The following DEPP1 variants were observed in gnomAD, a reference collection of about 807,000 sequenced individuals.
The protein encoded by DEPP1 is DEPP autophagy regulator 1.
For missense variants in DEPP1, 267 were observed against 280.1 expected (o/e 0.95, Z 0.33); for synonymous variants, 117 against 113.6 (o/e 1.03, Z -0.19).
Position 44,977,734 on chromosome 10 carries a change from A to G in DEPP1, c.297T>C (p.Ala99=). 1 of 1,605,138 alleles carries G rather than the reference A, an allele frequency of 6.2e-7. No individual in the cohort carries two copies. The highest frequency in any genetic ancestry group is 8.5e-7 in the Non-Finnish European group (1 of 1,175,062). The change falls in exon 2 of 2, where the codon GCT becomes GCC. Residue 99 remains alanine, a synonymous_variant. Coordinates refer to ENST00000298295, the MANE Select transcript of DEPP1 (RefSeq NM_007021.4). ...FSGQQPTLPM[A]DTVDPLDWLF... is the part of the protein sequence containing the mutation. ...GCCAGTCCAGGGGGTCCACAGTATC[A>G]GCCATGGGCAGTGTGGGCTGCTGGC...
In DEPP1 at chr10:44,977,924, C is replaced by T. The variant is rs754609610; in HGVS notation, c.107G>A (p.Ser36Asn). Residue 36 changes from serine (S) to asparagine (N), a missense_variant, in exon 2 of 2, where the codon AGC becomes AAC. Physicochemically the swap from Ser to Asn is conservative, Grantham distance 46. Coordinates refer to ENST00000298295, the MANE Select transcript of DEPP1 (RefSeq NM_007021.4). ...GPGQEPPPSP[S>N]LDDYVRSISR... The stretch of plus-strand genomic sequence containing the variant: ...TATAGACCTCACGTAGTCATCCAGG[C>T]TAGGAGAGGGTGGGGGCTCCTGTCC... 3.7e-6 allele frequency: 6 copies of T among 1,612,670 alleles called. No homozygotes were observed. Among genetic ancestry groups the T allele is most frequent in the Non-Finnish European group, 5.1e-6 (6 of 1,179,824 alleles).
At position 44,977,773 on chromosome 10, in the gene DEPP1, G is replaced by A. The variant is rs145169456; in HGVS notation, c.258C>T (p.Thr86=). 131 of 1,600,942 alleles carry A rather than the reference G, an allele frequency of 8.2e-5. No individual in the cohort carries two copies. In the African/African-American group the frequency reaches 1.5e-3, roughly 18 times the overall value. The change falls in exon 2 of 2, where the codon ACC becomes ACT. Residue 86 remains threonine, a synonymous_variant. Coordinates refer to ENST00000298295, the MANE Select transcript of DEPP1 (RefSeq NM_007021.4). ...GRPAVSLRDI[T]ARFSGQQPTL... ...TGGGCTGCTGGCCACTGAAACGTGC[G>A]GTGATGTCTCGCAGGGACACAGCAG...
Position 44,977,659 on chromosome 10 carries a change from C to T in DEPP1, c.372G>A (p.Arg124=), listed in dbSNP as rs774976580. 2.5e-6 allele frequency: 4 copies of T among 1,613,072 alleles called. No homozygotes were observed. In the Admixed American group the frequency reaches 5.0e-5, roughly 20 times the overall value. ...EKQPSQRDLP[R]RTGPSAGLWG... ...AGAGGCCAGCAGAGGGGCCAGTCCT[C>T]CTTGGCAGGTCCCTCTGGCTTGGCT... Residue 124 remains arginine, a synonymous_variant, in exon 2 of 2, where the codon AGG becomes AGA. Transcript: ENST00000298295.
In DEPP1 at chr10:44,977,897, G is replaced by A. The variant is rs1841518773; in HGVS notation, c.134C>T (p.Ser45Phe). 1 of 1,612,524 alleles carries A rather than the reference G, an allele frequency of 6.2e-7. No homozygotes were observed. Among genetic ancestry groups the A allele is most frequent in the African/African-American group, 1.3e-5 (1 of 74,940 alleles). Reference protein sequence around the residue: ...PSLDDYVRSISRLAQPTSVLD... With the variant: ...PSLDDYVRSIFRLAQPTSVLD... ...CACAGAGGTGGGCTGTGCCAGTCGA[G>A]ATATAGACCTCACGTAGTCATCCAG... Residue 45 changes from serine (S) to phenylalanine (F), a missense_variant, in exon 2 of 2, where the codon TCT (serine) becomes TTT (phenylalanine). Ser to Phe is a radical substitution (Grantham distance 155). Transcript: ENST00000298295.
At position 44,976,976 on chromosome 10, in the gene DEPP1, G is replaced by C. The variant is rs533766898; in HGVS notation, c.*416C>G. 2.3e-4 allele frequency: 37 copies of C among 159,564 alleles called. No individual in the cohort carries two copies. The highest frequency in any genetic ancestry group is 6.0e-4 in the South Asian group (3 of 4,994). 9.9% of individuals were successfully genotyped at this position (159,564 alleles called of 1,614,324 possible). A position where few individuals can be genotyped will look rare whatever the true frequency, so the allele number is the denominator to read the frequency against. ...CTTGTTCTGAAACACCTGGGGGGCT[G>C]ACACCCCCACTACCCTCACACCCCT... On this transcript the variant is annotated 3_prime_UTR_variant, in exon 2 of 2. Coordinates refer to ENST00000298295, the MANE Select transcript of DEPP1 (RefSeq NM_007021.4).
rs753621695 is a variant in DEPP1, at chr10:44,977,592, C to A, written c.439G>T (p.Ala147Ser). ...RQMDSSKPMG[A>S]PRGRLCEARM... is the part of the protein sequence containing the mutation. ...GCTTCACAGAGCCTCCCTCTGGGGG[C>A]CCCCATGGGCTTGCTGCTGTCCATC... is the stretch of plus-strand genomic sequence containing the variant. Residue 147 changes from alanine (A) to serine (S), a missense_variant, in exon 2 of 2, where the codon GCC (alanine) becomes TCC (serine). Physicochemically the swap from Ala to Ser is moderately conservative, Grantham distance 99. Transcript: ENST00000298295. 1.2e-6 allele frequency: 2 copies of A among 1,613,188 alleles called. No homozygotes were observed. Among genetic ancestry groups the A allele is most frequent in the East Asian group, 4.5e-5 (2 of 44,878 alleles).
In DEPP1 at chr10:44,977,437, G is replaced by A; in HGVS notation, c.594C>T (p.Val198=). 6.2e-7 allele frequency: 1 copy of A among 1,609,936 alleles called. No homozygotes were observed. Among genetic ancestry groups the A allele is most frequent in the Non-Finnish European group, 8.5e-7 (1 of 1,178,036 alleles). The change falls in exon 2 of 2, where the codon GTC becomes GTT. Residue 198 remains valine (V), a synonymous_variant. Coordinates refer to ENST00000298295, the MANE Select transcript of DEPP1 (RefSeq NM_007021.4). ...ASRHRPRPSS[V]LRTLYSHLPV... is the part of the protein sequence containing the mutation. ...GGAGGTGCGAGTAGAGTGTTCTGAGGACACTGCTGGGGCGGGGGCGGTGGC... is the reference window on the plus strand; with the variant it reads ...GGAGGTGCGAGTAGAGTGTTCTGAGAACACTGCTGGGGCGGGGGCGGTGGC...
In DEPP1 at chr10:44,978,052, C is replaced by T; in HGVS notation, c.-22G>A. The T allele has an allele frequency of 6.3e-7, 1 of 1,591,898 alleles. No homozygotes were observed. Among genetic ancestry groups the T allele is most frequent in the East Asian group, 2.2e-5 (1 of 44,684 alleles). On this transcript the variant is annotated 5_prime_UTR_variant, in exon 2 of 2. Transcript: ENST00000298295. ...TCATCACTCTGGCGAGAGGAGGTGGCAACCTGTTGGGAAACAGAAGCCTGG... is the reference window on the plus strand; with the variant it reads ...TCATCACTCTGGCGAGAGGAGGTGGTAACCTGTTGGGAAACAGAAGCCTGG...
chr10:44,978,586 T>A (rs1414183994), intron 1 of DEPP1, 32 bp downstream of exon 1: 1 of 152,388 alleles, frequency 6.6e-6, no homozygotes, highest in Non-Finnish European at 1.5e-5. Context: ...TTGTGTTTTG[T>A]CTCAAACCCA....
intron 1 of DEPP1, among the ~76,000 whole-genome samples, chr10:44,978,415 G>A (rs1053302955): frequency 6.6e-6 from 1 of 152,106 alleles, no homozygotes; most frequent in Non-Finnish European, 1.5e-5. Flanking sequence ...CATAAAACAG[G>A]GTTATAAATA....
chr10:44,976,837 A>T lies in DEPP1; in HGVS notation c.*555T>A, dbSNP rs1235327893. ...GAGTGCCCCAGTGGTGCCAGGTGAC[A>T]GTCCCCCGGAATACATTAGTGCATT... On this transcript the variant is annotated 3_prime_UTR_variant, in exon 2 of 2. Coordinates refer to ENST00000298295, the MANE Select transcript of DEPP1 (RefSeq NM_007021.4). 1 of 152,454 alleles carries T rather than the reference A, an allele frequency of 6.6e-6. No homozygotes were observed. The highest frequency in any genetic ancestry group is 2.4e-5 in the African/African-American group (1 of 41,458). 9.4% of individuals were successfully genotyped at this position (152,454 alleles called of 1,614,324 possible). A position where few individuals can be genotyped will look rare whatever the true frequency, so the allele number is the denominator to read the frequency against.
Position 44,977,737 on chromosome 10 carries a change from C to T in DEPP1, c.294G>A (p.Met98Ile). 2 of 1,606,570 alleles carry T rather than the reference C, an allele frequency of 1.2e-6. No homozygotes were observed. The highest frequency in any genetic ancestry group is 1.3e-5 in the African/African-American group (1 of 74,718). ...AGTCCAGGGGGTCCACAGTATCAGC[C>T]ATGGGCAGTGTGGGCTGCTGGCCAC... The part of the protein sequence containing the change: ...RFSGQQPTLP[M>I]ADTVDPLDWL... The change falls in exon 2 of 2, where the codon ATG becomes ATA. Residue 98 changes from methionine (M) to isoleucine (I), a missense_variant. Transcript: ENST00000298295.
Position 44,976,579 on chromosome 10 carries a change from C to CAGACT in DEPP1, c.*808_*812dup. The CAGACT allele has an allele frequency of 1.3e-5, 2 of 152,896 alleles. No homozygotes were observed. The highest frequency in any genetic ancestry group is 6.8e-3 in the Middle Eastern group (2 of 296). The allele number at this position is 152,896 out of a possible 1,614,324, so 9.5% of individuals were successfully genotyped here. A position where few individuals can be genotyped will look rare whatever the true frequency, so the allele number is the denominator to read the frequency against. On this transcript the variant is annotated 3_prime_UTR_variant, in exon 2 of 2. Transcript: ENST00000298295. Reference sequence around the variant, plus strand: ...GATGCCTCTAGGAACTAGGGTCCTTCAGACTCCAGATGCCCTGACCTGGGC... The same window carrying CAGACT: ...GATGCCTCTAGGAACTAGGGTCCTTCAGACTAGACTCCAGATGCCCTGACCTGGGC...
Position 44,977,434 on chromosome 10 carries a change from G to C in DEPP1, c.597C>G (p.Leu199=), listed in dbSNP as rs753937709. ...CCGGGAGGTGCGAGTAGAGTGTTCT[G>C]AGGACACTGCTGGGGCGGGGGCGGT... ...SRHRPRPSSV[L]RTLYSHLPVI... is the part of the protein sequence containing the mutation. Residue 199 remains leucine (L), a synonymous_variant, in exon 2 of 2, where the codon CTC becomes CTG. Coordinates refer to ENST00000298295, the MANE Select transcript of DEPP1 (RefSeq NM_007021.4). 6.2e-7 allele frequency: 1 copy of C among 1,609,298 alleles called. No homozygotes were observed. The highest frequency in any genetic ancestry group is 8.5e-7 in the Non-Finnish European group (1 of 1,177,614).
rs41301595 is a variant in DEPP1 at position 44,978,631 on chromosome 10, G to C, written c.-39C>G. The stretch of plus-strand genomic sequence containing the variant: ...GCTCTCTCTTACCTGGAGCTGAGGA[G>C]GTCTGGGGGTGGCAGGAGAATGGAT... On this transcript the variant is annotated 5_prime_UTR_variant, in exon 1 of 2. Transcript: ENST00000298295. The C allele has an allele frequency of 0.014, 2,066 of 152,504 alleles. 14 individuals are homozygous for C. The highest frequency in any genetic ancestry group is 0.019 in the Non-Finnish European group (1,320 of 68,168). 9.4% of individuals were successfully genotyped at this position (152,504 alleles called of 1,614,324 possible).
chr10:44,977,848 G>C lies in DEPP1; in HGVS notation c.183C>G (p.Gly61=). The change falls in exon 2 of 2, where the codon GGC becomes GGG. Residue 61 remains glycine, a synonymous_variant. Transcript: ENST00000298295. ...CTGGCCTGTGGGGTGGCCTGGGTTG[G>C]CCCTGGGCCGTGGCCTTGTCCAGCA... ...TSVLDKATAQ[G]QPRPPHRPAQ... 1 of 1,609,380 alleles carries C rather than the reference G, an allele frequency of 6.2e-7. No individual in the cohort carries two copies. Among genetic ancestry groups the C allele is most frequent in the Non-Finnish European group, 8.5e-7 (1 of 1,178,206 alleles).
intron 1 of DEPP1, 43 bp from the exon 2 acceptor site, chr10:44,978,098 T>C: frequency 6.5e-7 from 1 of 1,550,184 alleles, no homozygotes; most frequent in Non-Finnish European, 8.7e-7. Context: ...CTGCCATGCG[T>C]CCCACCGCCC....
rs377066951 is a variant in DEPP1 at position 44,977,745 on chromosome 10, G to C, written c.286C>G (p.Leu96Val). The change falls in exon 2 of 2, where the codon CTG becomes GTG. Residue 96 changes from leucine to valine, a missense_variant. By Grantham distance (32) the Leu-to-Val change is conservative. Coordinates refer to ENST00000298295, the MANE Select transcript of DEPP1 (RefSeq NM_007021.4). ...TARFSGQQPTLPMADTVDPLD... is the reference protein window; with the variant it reads ...TARFSGQQPTVPMADTVDPLD... The stretch of plus-strand genomic sequence containing the variant: ...GGGTCCACAGTATCAGCCATGGGCA[G>C]TGTGGGCTGCTGGCCACTGAAACGT... 6.2e-7 allele frequency: 1 copy of C among 1,602,816 alleles called. No individual in the cohort carries two copies. The highest frequency in any genetic ancestry group is 8.5e-7 in the Non-Finnish European group (1 of 1,173,736).
intron 1 of DEPP1, 62 bp from the exon 2 acceptor site, chr10:44,978,117 C>T: frequency 6.8e-7 from 1 of 1,472,492 alleles, no homozygotes; most frequent in South Asian, 1.2e-5. Flanking sequence ...CCCTCAGCGT[C>T]ACCACACTCC....
Sources: gnomAD v4.1 joint callset for allele counts (sites outside exome capture counted in the v4.1 genomes callset) on GRCh38, gnomAD v4.1.1 for gene constraint, MANE v1.5 for transcripts, NCBI Gene and HGNC (gene_info 2026-07-23, HGNC 2026-07-21) for gene names.